CPLANE1: variants seen among roughly 807,000 people sequenced by gnomAD.
CPLANE1 encodes the protein ciliogenesis and planar polarity effector complex subunit 1.
CPLANE1 carries 263 observed loss-of-function variants against 362.5 expected under a neutral mutation model. The observed-to-expected ratio is 0.73, with a 90% CI of 0.66 to 0.80. The LOEUF (loss-of-function observed/expected upper bound fraction) is 0.80. Ranked by LOEUF, CPLANE1 falls within the 30% of genes least tolerant of loss-of-function variation. The pLI is 0.00. For missense variants in CPLANE1, 3,461 were observed against 3,793.4 expected (o/e 0.91, Z 2.30); for synonymous variants, 1,212 against 1,302.6 (o/e 0.93, Z 1.50).
chr5:37,177,179 G>A (rs1318921565), intron 30 of CPLANE1, among the ~76,000 whole-genome samples: 1 of 152,206 alleles, frequency 6.6e-6, no homozygotes, highest in Non-Finnish European at 1.5e-5. Context: ...GAAGCAATAA[G>A]CTAGCCGGCA....
Position 37,186,407 on chromosome 5 carries a change from A to G in CPLANE1, c.4081-13T>C. The G allele has an allele frequency of 7.8e-7, 1 of 1,276,320 alleles. No individual in the cohort carries two copies. The highest frequency in any genetic ancestry group is 1.1e-6 in the Non-Finnish European group (1 of 879,578). The allele number at this position is 1,276,320 out of a possible 1,614,324, so 79.1% of individuals were successfully genotyped here. On this transcript the variant is annotated splice_polypyrimidine_tract_variant and intron_variant, in intron 23 of 52. Coordinates refer to ENST00000651892, the MANE Select transcript of CPLANE1 (RefSeq NM_001384732.1). ...AAATTTCTGCTACCTTCAGAAAAAA[A>G]ATTGTTTAAGTTTTATGAGAAACAT...
chr5:37,120,221 G>C lies in CPLANE1; in HGVS notation c.9305C>G (p.Pro3102Arg), dbSNP rs1207975219. 1.9e-6 allele frequency: 3 copies of C among 1,601,128 alleles called. No individual in the cohort carries two copies. In the African/African-American group the frequency reaches 4.1e-5, roughly 22 times the overall value. ...AAAAAAGCTTTAAGTCTTACCATGT[G>C]GCCAAGGTGAGCCTTGAGGTTGCCC... ...SFGQPQGSPW[P>R]HGTATFTIQK... Residue 3102 changes from proline (P) to arginine (R), a missense_variant, in exon 50 of 53, where the codon CCA becomes CGA. Around this residue, in one of 2 missense-constraint regions of CPLANE1, gnomAD observed 3,380 missense variants for 3,666.1 expected, o/e 0.92. Coordinates refer to ENST00000651892, the MANE Select transcript of CPLANE1 (RefSeq NM_001384732.1).
intron 8 of CPLANE1, among the ~76,000 whole-genome samples, chr5:37,232,385 G>A (rs1272180218): frequency 1.3e-5 from 2 of 152,006 alleles, no homozygotes; most frequent in African/African-American, 2.4e-5. Context: ...AGGCATGGTG[G>A]TGGGCACCTG....
At chr5:37,119,342 C>T (rs1471264649) in intron 50 of CPLANE1, among the ~76,000 whole-genome samples, 2 of 152,118 alleles carry the variant, frequency 1.3e-5, no homozygotes, top group South Asian at 2.1e-4. Context: ...AAAAGTTATA[C>T]CCTACTAATA....
chr5:37,085,813 G>A, the CPLANE1 span: 2 of 1,423,636 alleles, frequency 1.4e-6, no homozygotes, highest in Non-Finnish European at 2.0e-6. Flanking sequence ...TTGCTGAAGA[G>A]AGAGACAAAA....
the CPLANE1 span, among the ~76,000 whole-genome samples, chr5:37,095,821 C>T: frequency 6.6e-6 from 1 of 152,158 alleles, no homozygotes; most frequent in Non-Finnish European, 1.5e-5. Context: ...AACTCAACCC[C>T]TTTCACAATA....
chr5:37,178,453 T>C (rs1044733064), intron 29 of CPLANE1, among the ~76,000 whole-genome samples: 7 of 151,348 alleles, frequency 4.6e-5, no homozygotes, highest in Admixed American at 1.3e-4. Flanking sequence ...GTTTTTTTTT[T>C]TTTAAATTAG....
In CPLANE1 at chr5:37,139,372, TAA is replaced by T. The variant is rs34646696; in HGVS notation, c.8633-4_8633-3del. 29 of 1,093,008 alleles carry T rather than the reference TAA, an allele frequency of 2.7e-5. No individual in the cohort carries two copies. Among genetic ancestry groups the T allele is most frequent in the Admixed American group, 8.9e-5 (3 of 33,872 alleles). 67.7% of individuals were successfully genotyped at this position (1,093,008 alleles called of 1,614,324 possible). ...ACAATTCATCACTGCTATTCATACC[TAA>T]AAAAAAAATCATTATTAATAAAAAT... On this transcript the variant is annotated splice_polypyrimidine_tract_variant and splice_region_variant and intron_variant, in intron 44 of 52. Transcript: ENST00000651892.
At position 37,195,976 on chromosome 5, in the gene CPLANE1, A is replaced by G; in HGVS notation, c.3693T>C (p.Leu1231=). ...VMQKIRMKGS[L]PSLSPFPQSL... is the part of the protein sequence containing the mutation. ...ACTGAGGAAAAGGACTCAGTGAAGG[A>G]AGGGATCCTTTCATTCGAATCTAAA... The change falls in exon 21 of 53, where the codon CTT becomes CTC. Residue 1231 remains leucine (L), a synonymous_variant. Coordinates refer to ENST00000651892, the MANE Select transcript of CPLANE1 (RefSeq NM_001384732.1). 6.2e-7 allele frequency: 1 copy of G among 1,605,368 alleles called. No individual in the cohort carries two copies. The highest frequency in any genetic ancestry group is 8.5e-7 in the Non-Finnish European group (1 of 1,177,470).
At chr5:37,110,883 C>T (rs1168745233) in intron 51 of CPLANE1, among the ~76,000 whole-genome samples, 1 of 148,600 alleles carries the variant, frequency 6.7e-6, no homozygotes, top group East Asian at 2.0e-4. Flanking sequence ...TCTTGGCTCA[C>T]TACAACCTCT....
intron 34 of CPLANE1, 114 bp from the exon 35 acceptor site, chr5:37,167,327 G>A: frequency 2.6e-6 from 2 of 783,464 alleles, no homozygotes; most frequent in Non-Finnish European, 4.0e-6. Context: ...GCAACAGTTA[G>A]AACAAATCAA....
intron 47 of CPLANE1, among the ~76,000 whole-genome samples, chr5:37,124,336 G>C (rs1401586148): frequency 6.6e-6 from 1 of 151,996 alleles, no homozygotes; most frequent in Non-Finnish European, 1.5e-5. Flanking sequence ...ATAGTGCTTT[G>C]TTTTACCATC....
chr5:37,187,468 T>A lies in CPLANE1; in HGVS notation c.4026A>T (p.Glu1342Asp). 1 of 1,613,806 alleles carries A rather than the reference T, an allele frequency of 6.2e-7. No individual in the cohort carries two copies. Residue 1342 changes from glutamate (E) to aspartate (D), a missense_variant, in exon 23 of 53, where the codon GAA becomes GAT. Physicochemically the swap from Glu to Asp is conservative, Grantham distance 45. Transcript: ENST00000651892. ...GGCTCAAAATTATATCCTGAATAAG[T>A]TCTTCCATATTAAAAAACCGAGAGA... is the stretch of plus-strand genomic sequence containing the variant. Reference protein sequence around the residue: ...LPFSRFFNMEELIQDIILSLI... With the variant: ...LPFSRFFNMEDLIQDIILSLI...
the CPLANE1 span, chr5:37,085,398 C>A: frequency 8.5e-7 from 1 of 1,175,610 alleles, no homozygotes; most frequent in Non-Finnish European, 1.3e-6. Context: ...TCGTATTACA[C>A]CCGAGGAGGC....
intron 48 of CPLANE1, among the ~76,000 whole-genome samples, chr5:37,122,214 A>T (rs536621339): frequency 6.6e-6 from 1 of 152,300 alleles, no homozygotes; most frequent in African/African-American, 2.4e-5. Flanking sequence ...AGCAGAAATA[A>T]AAGTCATAAA....
chr5:37,217,922 A>G (rs1394415951), intron 15 of CPLANE1, among the ~76,000 whole-genome samples: 2 of 151,526 alleles, frequency 1.3e-5, no homozygotes, highest in Admixed American at 1.3e-4. Flanking sequence ...AGAGGTTGCA[A>G]TGAGCCGAGA....
intron 8 of CPLANE1, among the ~76,000 whole-genome samples, chr5:37,236,144 T>C (rs945265075): frequency 2.6e-5 from 4 of 152,048 alleles, no homozygotes; most frequent in Non-Finnish European, 4.4e-5. Flanking sequence ...CAAAGTGCGT[T>C]AGCCACCATG....
chr5:37,098,415 A>AC, the CPLANE1 span, among the ~76,000 whole-genome samples: 92 of 146,884 alleles, frequency 6.3e-4, no homozygotes, highest in African/African-American at 2.3e-3. Context: ...AAAAAAAAAA[A>AC]CCACACACAT....
At chr5:37,236,230 C>T (rs1449620499) in intron 8 of CPLANE1, among the ~76,000 whole-genome samples, 1 of 152,054 alleles carries the variant, frequency 6.6e-6, no homozygotes, top group Non-Finnish European at 1.5e-5. Flanking sequence ...AAAAACAGCA[C>T]ACAGATAAAT....
Sources: allele counts gnomAD v4.1 joint callset (sites outside exome capture counted in the v4.1 genomes callset), GRCh38; gene constraint gnomAD v4.1.1; regional missense constraint gnomAD v4.1.1; transcripts MANE v1.5; gene names NCBI Gene and HGNC (gene_info 2026-07-23, HGNC 2026-07-21).